RACK1: variants seen among roughly 807,000 people sequenced by gnomAD.
RACK1 encodes the protein receptor for activated C kinase 1.
In RACK1, 3 loss-of-function variants were observed where a neutral mutation model predicts 42.2. The ratio of observed to expected loss-of-function variants is 0.07; its 90% CI spans 0.03 to 0.18. RACK1 has a LOEUF of 0.18. RACK1 is among the 10% of genes least tolerant of loss of function. The probability of loss-of-function intolerance (pLI) is 1.00; values close to 1 mark genes in which losing one functional copy is unlikely to be tolerated. For missense variants in RACK1, 146 were observed against 403.2 expected (o/e 0.36, Z 5.46); for synonymous variants, 181 against 154.8 (o/e 1.17, Z -1.25).
intron 5 of RACK1, 38 bp downstream of exon 5, chr5:181,239,029 G>T: frequency 1.5e-6 from 2 of 1,321,554 alleles, no homozygotes; most frequent in Non-Finnish European, 2.2e-6. Flanking sequence ...CCATGACGCT[G>T]TCTTCCACTG....
At chr5:181,237,981 C>T (rs1022648731) in intron 6 of RACK1, 118 bp downstream of exon 6, 26 of 1,082,460 alleles carry the variant, frequency 2.4e-5, no homozygotes, top group East Asian at 1.9e-4. Flanking sequence ...AATGTCATTA[C>T]GTGGAGGCTG....
chr5:181,237,116 G>C (rs1426425447), intron 7 of RACK1, 74 bp from the exon 8 acceptor site: 13 of 1,597,888 alleles, frequency 8.1e-6, no homozygotes, highest in Non-Finnish European at 1.0e-5. Flanking sequence ...AGCCCAAGTG[G>C]CTTTTTTTGA....
intron 5 of RACK1, chr5:181,238,812 A>AC (rs1213553341): frequency 7.2e-5 from 34 of 471,562 alleles, no homozygotes; most frequent in Non-Finnish European, 1.2e-4. Flanking sequence ...AAAAAAACAA[A>AC]AAACAAACAA....
At chr5:181,237,531 C>CA in intron 7 of RACK1, 78 bp downstream of exon 7, 1 of 828,530 alleles carries the variant, frequency 1.2e-6, no homozygotes, top group Non-Finnish European at 2.1e-6. Context: ...TTGTGTCTGA[C>CA]AGACTAGATA....
chr5:181,241,671 T>C, intron 2 of RACK1, 32 bp from the exon 3 acceptor site: 1 of 1,610,496 alleles, frequency 6.2e-7, no homozygotes, highest in South Asian at 1.1e-5. Flanking sequence ...TTCTCAGACT[T>C]AGCAAACACT....
chr5:181,243,487 G>C, intron 1 of RACK1: 2 of 1,449,512 alleles, frequency 1.4e-6, no homozygotes, highest in African/African-American at 1.4e-5. Context: ...TGTACACGTA[G>C]GTTCTCATCT....
intron 5 of RACK1, 95 bp downstream of exon 5, chr5:181,238,972 G>A: frequency 1.2e-6 from 1 of 813,548 alleles, no homozygotes; most frequent in African/African-American, 1.7e-5. Flanking sequence ...AACCATCTTG[G>A]CTAATGTTTG....
Position 181,241,622 on chromosome 5 carries a change from C to T in RACK1, c.299G>A (p.Arg100Gln), listed in dbSNP as rs1327024026. The T allele has an allele frequency of 3.1e-6, 5 of 1,613,990 alleles. No homozygotes were observed. Among genetic ancestry groups the T allele is most frequent in the South Asian group, 1.1e-5 (1 of 91,082 alleles). The change falls in exon 3 of 8, where the codon CGA becomes CAA. Residue 100 changes from arginine to glutamine, a missense_variant. Arg to Gln is a conservative substitution (Grantham distance 43, BLOSUM62 1). Transcript: ENST00000512805. The part of the protein sequence containing the change: ...WDLTTGTTTR[R>Q]FVGHTKDVLS... ...CACATCCTTGGTATGGCCCACAAAT[C>T]GCCTCGTGGTGGTGCCCCTGAGAGG... is the stretch of plus-strand genomic sequence containing the variant.
intron 6 of RACK1, 135 bp downstream of exon 6, chr5:181,237,964 A>G (rs1193241819): frequency 1.1e-6 from 1 of 939,258 alleles, no homozygotes; most frequent in Non-Finnish European, 1.7e-6. Flanking sequence ...AGAGTTACTC[A>G]GACCAAAATG....
intron 5 of RACK1, 192 bp from the exon 6 acceptor site, chr5:181,238,431 C>A: frequency 1.8e-6 from 1 of 568,170 alleles, no homozygotes; most frequent in Non-Finnish European, 3.1e-6. Flanking sequence ...CCAACCCCAT[C>A]AAAAAACCCC....
chr5:181,238,033 A>G (rs1287121831), intron 6 of RACK1, 66 bp downstream of exon 6: 3 of 1,567,974 alleles, frequency 1.9e-6, no homozygotes, highest in Non-Finnish European at 1.8e-6. Context: ...GGCATATATA[A>G]TAACCAAAAC....
Position 181,236,907 on chromosome 5 carries a change from A to G in RACK1, c.*70T>C, listed in dbSNP as rs138233790. 3,397 of 1,526,596 alleles carry G rather than the reference A, an allele frequency of 2.2e-3. 63 individuals are homozygous for G. The African/African-American group carries it at 0.041, about 19-fold the overall frequency. The allele number at this position is 1,526,596 out of a possible 1,614,324, so 94.6% of individuals were successfully genotyped here. A position where few individuals can be genotyped will look rare whatever the true frequency, so the allele number is the denominator to read the frequency against. ...TAGATAGAATGGAGCTTTTTTGCAT[A>G]TAAGAAAAAAAAACCTAAAAGTCAG... On this transcript the variant is annotated 3_prime_UTR_variant, in exon 8 of 8. Coordinates refer to ENST00000512805, the MANE Select transcript of RACK1 (RefSeq NM_006098.5).
chr5:181,237,160 A>G (rs1582291536), intron 7 of RACK1, 118 bp from the exon 8 acceptor site: 3 of 1,546,496 alleles, frequency 1.9e-6, no homozygotes, highest in Non-Finnish European at 2.6e-6. Flanking sequence ...TCTAGGCTGG[A>G]GTGCAGGGGT....
chr5:181,237,367 G>A (rs1159230304), intron 7 of RACK1: 1 of 704,716 alleles, frequency 1.4e-6, no homozygotes, highest in Non-Finnish European at 2.6e-6. Context: ...TTTGAAAACT[G>A]GTCAGATTAA....
intron 3 of RACK1, chr5:181,240,394 C>G (rs1380413789): frequency 6.5e-6 from 1 of 153,048 alleles, no homozygotes; most frequent in Non-Finnish European, 1.5e-5. Context: ...GGCACGGTGA[C>G]TCACGCCTGT....
chr5:181,237,128 A>T (rs990042277), intron 7 of RACK1, 86 bp from the exon 8 acceptor site: 1 of 1,584,778 alleles, frequency 6.3e-7, no homozygotes. Flanking sequence ...TTTTTTTGAG[A>T]TCCGTCCACC....
intron 1 of RACK1, 172 bp downstream of exon 1, chr5:181,243,520 A>C: frequency 7.1e-7 from 1 of 1,407,804 alleles, no homozygotes; most frequent in African/African-American, 1.4e-5. Flanking sequence ...GCCCGGGTTG[A>C]GGCCTAGGCT....
chr5:181,239,653 C>A, intron 3 of RACK1, 71 bp from the exon 4 acceptor site: 1 of 935,964 alleles, frequency 1.1e-6, no homozygotes, highest in South Asian at 1.4e-5. Flanking sequence ...CCAGCCCTAC[C>A]CCTCAGTAGG....
chr5:181,241,686 T>C (rs1561680889), intron 2 of RACK1, 47 bp from the exon 3 acceptor site: 1 of 1,597,370 alleles, frequency 6.3e-7, no homozygotes, highest in Non-Finnish European at 8.6e-7. Context: ...AACACTCTCA[T>C]TCAACGGTCA....
Sources: allele counts gnomAD v4.1 joint callset, GRCh38; gene constraint gnomAD v4.1.1; transcripts MANE v1.5; gene names NCBI Gene and HGNC (gene_info 2026-07-23, HGNC 2026-07-21).